Variants in AXDND1 observed in about 807,000 individuals in gnomAD.
The protein encoded by AXDND1 is axonemal dynein light chain domain-containing protein 1.
In AXDND1, 110 loss-of-function variants were observed where a neutral mutation model predicts 137.5. The ratio of observed to expected loss-of-function variants is 0.80; its 90% confidence interval spans 0.69 to 0.94. The LOEUF (loss-of-function observed/expected upper bound fraction) is 0.94, where lower values mean the gene tolerates loss of function less well. AXDND1 is among the 40% of genes least tolerant of loss of function. The pLI is 0.00. For synonymous variants in AXDND1, 414 were observed against 399.7 expected (o/e 1.04, Z -0.43); for missense variants, 1,191 against 1,169.8 (o/e 1.02, Z -0.26).
chr1:179,482,691 G>A (rs919630489), intron 17 of AXDND1, among the ~76,000 whole-genome samples: 4 of 151,876 alleles, frequency 2.6e-5, no homozygotes, highest in Non-Finnish European at 4.4e-5. Context: ...GAGGCTTTAA[G>A]TGGTGTATTT....
intron 23 of AXDND1, among the ~76,000 whole-genome samples, chr1:179,532,281 A>G (rs1037806455): frequency 6.6e-6 from 1 of 152,220 alleles, no homozygotes; most frequent in African/African-American, 2.4e-5. Flanking sequence ...CAGAAGGCTC[A>G]AATGCACGCA....
intron 25 of AXDND1, chr1:179,552,375 C>T (rs1052362388): frequency 1.0e-5 from 6 of 592,320 alleles, no homozygotes; most frequent in South Asian, 3.8e-5. Context: ...AGGTGAGACT[C>T]AAGCAGTGAG....
intron 21 of AXDND1, among the ~76,000 whole-genome samples, chr1:179,517,678 C>T (rs946695837): frequency 1.3e-5 from 2 of 152,214 alleles, no homozygotes; most frequent in African/African-American, 4.8e-5. Flanking sequence ...TGACTCAGCT[C>T]CAGGTAAGGT....
At chr1:179,489,457 T>C (rs1572055020) in intron 18 of AXDND1, among the ~76,000 whole-genome samples, 1 of 152,316 alleles carries the variant, frequency 6.6e-6, no homozygotes, top group East Asian at 1.9e-4. Flanking sequence ...TCAATGATAG[T>C]ATAATCTAGG....
intron 11 of AXDND1, among the ~76,000 whole-genome samples, chr1:179,397,009 A>T (rs945298376): frequency 1.3e-5 from 2 of 152,172 alleles, no homozygotes; most frequent in Non-Finnish European, 2.9e-5. Flanking sequence ...AAAGATATAT[A>T]TAGATTTGAT....
intron 25 of AXDND1, among the ~76,000 whole-genome samples, chr1:179,535,401 G>T (rs1193384527): frequency 6.6e-6 from 1 of 152,048 alleles, no homozygotes; most frequent in Non-Finnish European, 1.5e-5. Context: ...AGGCCCCAGT[G>T]TGTGATGTTC....
chr1:179,468,734 C>A, intron 17 of AXDND1, 93 bp downstream of exon 17: 1 of 1,034,434 alleles, frequency 9.7e-7, no homozygotes, highest in Non-Finnish European at 1.4e-6. Context: ...TCAAAGTGTA[C>A]AATTCTGTGG....
Position 179,498,374 on chromosome 1 carries a change from A to G in AXDND1, c.2388+5423A>G, listed in dbSNP as rs1667671347. Among the ~76,000 whole-genome samples, 5 of 152,100 alleles carry G rather than the reference A, an allele frequency of 3.3e-5. No homozygotes were observed. The South Asian group carries it at 1.0e-3, about 32-fold the overall frequency. On this transcript the variant is annotated intron_variant, in intron 20 of 25. Transcript: ENST00000367618. ...ACACCTACCAACCATCTGATCTTCAACAATGCTGACAAAAACTAGCAAGGG... is the reference window on the plus strand; with the variant it reads ...ACACCTACCAACCATCTGATCTTCAGCAATGCTGACAAAAACTAGCAAGGG...
intron 12 of AXDND1, among the ~76,000 whole-genome samples, chr1:179,421,031 G>A (rs1479842367): frequency 6.8e-6 from 1 of 147,374 alleles, no homozygotes; most frequent in Non-Finnish European, 1.5e-5. Context: ...TTCTATTTGG[G>A]TATCCCTTCC....
intron 15 of AXDND1, among the ~76,000 whole-genome samples, chr1:179,439,918 T>C (rs1658746437): frequency 6.6e-6 from 1 of 152,208 alleles, no homozygotes; most frequent in Non-Finnish European, 1.5e-5. Flanking sequence ...CATACCCTTG[T>C]CCCTACGTCA....
intron 23 of AXDND1, chr1:179,533,012 G>A (rs1392678270): frequency 6.6e-6 from 1 of 152,144 alleles, no homozygotes; most frequent in African/African-American, 2.4e-5. Context: ...TTGAGGATGA[G>A]AGGCTTAGAT....
At chr1:179,391,357 G>T (rs1006250909) in intron 9 of AXDND1, among the ~76,000 whole-genome samples, 13 of 151,940 alleles carry the variant, frequency 8.6e-5, no homozygotes, top group Admixed American at 7.2e-4. Flanking sequence ...GGTATGGTTT[G>T]GCTGTGTCCC....
At chr1:179,450,222 GC>G in intron 16 of AXDND1, 1 of 152,182 alleles carries the variant, frequency 6.6e-6, no homozygotes, top group African/African-American at 2.4e-5. Context: ...CACCATGTTG[GC>G]CAGGCTGGTC....
intron 4 of AXDND1, among the ~76,000 whole-genome samples, chr1:179,374,790 A>G (rs1668412785): frequency 7.3e-6 from 1 of 136,908 alleles, no homozygotes; most frequent in Non-Finnish European, 1.6e-5. Flanking sequence ...ACACCTGGAC[A>G]CAGGGTGGGG....
At chr1:179,516,840 C>T (rs1669583903) in intron 21 of AXDND1, among the ~76,000 whole-genome samples, 3 of 152,156 alleles carry the variant, frequency 2.0e-5, no homozygotes. Flanking sequence ...GATACCAGCA[C>T]CTGTTCTAGT....
chr1:179,500,353 G>C (rs1319650888), intron 20 of AXDND1, among the ~76,000 whole-genome samples: 3 of 150,782 alleles, frequency 2.0e-5, no homozygotes, highest in Admixed American at 6.6e-5. Flanking sequence ...GTGTGTGTGT[G>C]TGTGTGTGTG....
At chr1:179,539,143 A>G (rs1671850697) in intron 25 of AXDND1, among the ~76,000 whole-genome samples, 1 of 152,118 alleles carries the variant, frequency 6.6e-6, no homozygotes, top group African/African-American at 2.4e-5. Flanking sequence ...CTCTTTATCC[A>G]ATTTGCCAGT....
At chr1:179,521,787 G>T (rs1353328923) in intron 21 of AXDND1, among the ~76,000 whole-genome samples, 1 of 132,736 alleles carries the variant, frequency 7.5e-6, no homozygotes, top group African/African-American at 2.8e-5. Context: ...TGCTGGGTAT[G>T]CTATTGATTC....
chr1:179,501,063 G>A (rs543761377), intron 20 of AXDND1, among the ~76,000 whole-genome samples: 65 of 152,166 alleles, frequency 4.3e-4, no homozygotes, highest in Non-Finnish European at 4.4e-5. Context: ...GGATCATATT[G>A]GACCACACAT....
Sources: allele counts gnomAD v4.1 joint callset (sites outside exome capture counted in the v4.1 genomes callset), GRCh38; gene constraint gnomAD v4.1.1; transcripts MANE v1.5; gene names NCBI Gene and HGNC (gene_info 2026-07-23, HGNC 2026-07-21).